Variants in AAMDC observed in about 807,000 individuals in gnomAD.
The protein encoded by AAMDC is adipogenesis associated Mth938 domain containing.
In AAMDC, 16 loss-of-function variants were observed where a neutral mutation model predicts 15.5. The observed-to-expected ratio is 1.03, with a 90% CI of 0.70 to 1.57. The LOEUF (loss-of-function observed/expected upper bound fraction) is 1.57. Among genes scored for constraint, AAMDC ranks in the 40% most tolerant of loss-of-function variants. The pLI is 0.00. For synonymous variants in AAMDC, 51 were observed against 51.6 expected (o/e 0.99, Z 0.05); for missense variants, 141 against 144.9 (o/e 0.97, Z 0.14).
chr11:77,878,035 A>G (rs759121520), intron 5 of AAMDC, among the ~76,000 whole-genome samples: 1 of 152,166 alleles, frequency 6.6e-6, no homozygotes, highest in Non-Finnish European at 1.5e-5. Context: ...TTAAAGCCAT[A>G]GAGGTCCTAA....
intron 3 of AAMDC, 103 bp downstream of exon 3, chr11:77,869,920 T>C (rs1951333321): frequency 1.8e-6 from 2 of 1,096,090 alleles, no homozygotes; most frequent in Admixed American, 1.9e-5. Context: ...ATATATCATG[T>C]ACCCTCATTT....
chr11:77,844,549 A>G (rs1169534143), intron 2 of AAMDC, among the ~76,000 whole-genome samples: 1 of 151,754 alleles, frequency 6.6e-6, no homozygotes, highest in African/African-American at 2.4e-5. Context: ...TTTTATAGAG[A>G]TGAGGTCTCA....
chr11:77,843,932 C>G (rs1186244534), intron 2 of AAMDC, among the ~76,000 whole-genome samples: 2 of 152,112 alleles, frequency 1.3e-5, no homozygotes, highest in Admixed American at 6.6e-5. Context: ...CAGAGAAACT[C>G]TCGTTTTTAA....
intron 2 of AAMDC, among the ~76,000 whole-genome samples, chr11:77,844,123 T>C (rs531325692): frequency 3.3e-5 from 5 of 152,256 alleles, no homozygotes; most frequent in African/African-American, 9.6e-5. Context: ...CTCTTCTAGT[T>C]TGCAGACAGC....
chr11:77,821,167 G>A lies in AAMDC; in HGVS notation c.-93G>A, dbSNP rs1366994397. On this transcript the variant is annotated 5_prime_UTR_variant, in exon 1 of 4. Coordinates refer to ENST00000393427, the MANE Select transcript of AAMDC (RefSeq NM_024684.4). ...GCAGTTGGGGAGCGCAGATCCCGAA[G>A]CAGCGCTGGGAGCGTAAGTGCGGGC... 5.3e-6 allele frequency: 2 copies of A among 378,788 alleles called. No homozygotes were observed. Among genetic ancestry groups the A allele is most frequent in the East Asian group, 4.1e-5 (1 of 24,162 alleles). 23.5% of individuals were successfully genotyped at this position (378,788 alleles called of 1,614,324 possible).
chr11:77,883,903 T>C, intron 5 of AAMDC: 1 of 1,613,222 alleles, frequency 6.2e-7, no homozygotes, highest in Non-Finnish European at 8.5e-7. Context: ...ATTCCGGAAG[T>C]CTGCAGGCTT....
intron 2 of AAMDC, among the ~76,000 whole-genome samples, chr11:77,859,687 C>A (rs1950792818): frequency 6.6e-6 from 1 of 152,180 alleles, no homozygotes; most frequent in African/African-American, 2.4e-5. Flanking sequence ...CATCAGTATA[C>A]AAGTTGAGGT....
chr11:77,838,225 TGTTA>T (rs1165710799), intron 1 of AAMDC, among the ~76,000 whole-genome samples: 2 of 152,222 alleles, frequency 1.3e-5, no homozygotes, highest in African/African-American at 2.4e-5. Flanking sequence ...AGACTGTGAC[TGTTA>T]GTTTTATGTG....
At chr11:77,858,640 G>A (rs1310886680) in intron 2 of AAMDC, among the ~76,000 whole-genome samples, 1 of 152,062 alleles carries the variant, frequency 6.6e-6, no homozygotes, top group African/African-American at 2.4e-5. Context: ...CCTCTCAACA[G>A]GAAAACCCAA....
At chr11:77,886,514 G>A (rs1016831484) in intron 5 of AAMDC, among the ~76,000 whole-genome samples, 1 of 152,178 alleles carries the variant, frequency 6.6e-6, no homozygotes, top group African/African-American at 2.4e-5. Context: ...AATGAAGCAC[G>A]GGTAAACGGC....
intron 1 of AAMDC, among the ~76,000 whole-genome samples, chr11:77,823,619 CTCA>C (rs1590914749): frequency 1.8e-5 from 1 of 56,646 alleles, no homozygotes; most frequent in African/African-American, 7.8e-5. Flanking sequence ...TACACCCTGT[CTCA>C]AAAAAAAAAA....
intron 3 of AAMDC, 76 bp downstream of exon 3, chr11:77,869,893 C>T: frequency 7.2e-7 from 1 of 1,390,346 alleles, no homozygotes; most frequent in East Asian, 2.3e-5. Flanking sequence ...ACTTGTCCTT[C>T]TTGGGAGGTC....
At chr11:77,846,786 A>C (rs1220997165) in intron 2 of AAMDC, among the ~76,000 whole-genome samples, 1 of 152,186 alleles carries the variant, frequency 6.6e-6, no homozygotes, top group Non-Finnish European at 1.5e-5. Flanking sequence ...ATTTGTCTGA[A>C]AAGGTCCTTG....
At chr11:77,879,059 AG>A (rs1318211724) in intron 5 of AAMDC, 5 of 1,614,170 alleles carry the variant, frequency 3.1e-6, no homozygotes, top group Non-Finnish European at 4.2e-6. Flanking sequence ...CCCTCCATCC[AG>A]GGGCATTTTG....
intron 5 of AAMDC, among the ~76,000 whole-genome samples, chr11:77,898,634 A>G (rs1952637211): frequency 6.6e-6 from 1 of 152,258 alleles, no homozygotes; most frequent in African/African-American, 2.4e-5. Flanking sequence ...CATTAAAAAT[A>G]TAAGTAATAA....
chr11:77,830,417 C>T (rs1949367134), intron 1 of AAMDC, among the ~76,000 whole-genome samples: 1 of 152,052 alleles, frequency 6.6e-6, no homozygotes, highest in Non-Finnish European at 1.5e-5. Flanking sequence ...AAATCTAGCG[C>T]CTATTGTTTG....
intron 5 of AAMDC, among the ~76,000 whole-genome samples, chr11:77,889,033 T>G (rs531215561): frequency 4.6e-4 from 70 of 152,322 alleles, no homozygotes; most frequent in African/African-American, 1.6e-3. Flanking sequence ...CTCAGGGATC[T>G]AGAACTAGAA....
chr11:77,823,125 G>C (rs1288170363), intron 1 of AAMDC, among the ~76,000 whole-genome samples: 1 of 143,694 alleles, frequency 7.0e-6, no homozygotes, highest in South Asian at 2.2e-4. Flanking sequence ...TGAGGCAGGA[G>C]AATGGCATGG....
chr11:77,888,929 G>T (rs1425494327), intron 5 of AAMDC, among the ~76,000 whole-genome samples: 3 of 152,188 alleles, frequency 2.0e-5, no homozygotes, highest in Non-Finnish European at 4.4e-5. Flanking sequence ...GAATCAACAC[G>T]TGCTGGAGAG....
Sources: gnomAD v4.1 joint callset for allele counts (sites outside exome capture counted in the v4.1 genomes callset) on GRCh38, gnomAD v4.1.1 for gene constraint, MANE v1.5 for transcripts, NCBI Gene and HGNC (gene_info 2026-07-23, HGNC 2026-07-21) for gene names.